Variants in CFAP46 observed in about 807,000 individuals in gnomAD.
CFAP46 encodes cilia and flagella associated protein 46, also known as cilia- and flagella-associated protein 46.
In CFAP46, 245 loss-of-function variants were observed where a neutral mutation model predicts 325.7. The ratio of observed to expected loss-of-function variants is 0.75; its 90% CI spans 0.68 to 0.84. The LOEUF is 0.84. Among genes scored for constraint, CFAP46 ranks in the 40% least tolerant of loss-of-function variants. CFAP46 has a pLI of 0.00. For synonymous variants in CFAP46, 1,523 were observed against 1,495.9 expected (o/e 1.02, Z -0.42); for missense variants, 3,346 against 3,543.0 (o/e 0.94, Z 1.41).
At chr10:132,850,864 C>T (rs900736780) in intron 40 of CFAP46, among the ~76,000 whole-genome samples, 1 of 152,146 alleles carries the variant, frequency 6.6e-6, no homozygotes. Context: ...AGAGCAAATT[C>T]ATGAGTCGGG....
chr10:132,864,409 CTG>C (rs1848776002), intron 35 of CFAP46, among the ~76,000 whole-genome samples: 1 of 116,920 alleles, frequency 8.6e-6, no homozygotes, highest in Non-Finnish European at 1.8e-5. Flanking sequence ...TCCCCAGTGC[CTG>C]AGACATGCAC....
rs1300886947 is a variant in CFAP46 at position 132,869,751 on chromosome 10, C to A, written c.4512-379G>T. ...CTTTCAGGCAAGCAGGAAAGTTGCA[C>A]AGACACCAGGAAGCATCCCTGTGCG... On this transcript the variant is annotated intron_variant, in intron 32 of 57. Transcript: ENST00000368586. The surrounding 1 kb of genome is among the most constrained non-coding windows in gnomAD (Gnocchi z 6.2). 6.6e-6 allele frequency among the ~76,000 whole-genome samples: 1 copy of A among 152,150 alleles called. No homozygotes were observed. Among genetic ancestry groups the A allele is most frequent in the Non-Finnish European group, 1.5e-5 (1 of 68,034 alleles).
intron 44 of CFAP46, among the ~76,000 whole-genome samples, chr10:132,843,606 C>T (rs1439044409): frequency 2.8e-3 from 167 of 58,712 alleles, no homozygotes; most frequent in African/African-American, 4.6e-3. Context: ...CCCAGGGTGC[C>T]ATGGGGCTCT....
Position 132,922,664 on chromosome 10 carries a change from T to C in CFAP46, c.1301A>G (p.Gln434Arg). 6.5e-7 allele frequency: 1 copy of C among 1,549,944 alleles called. No homozygotes were observed. The highest frequency in any genetic ancestry group is 8.7e-7 in the Non-Finnish European group (1 of 1,146,760). The change falls in exon 12 of 58, where the codon CAG becomes CGG. Residue 434 changes from glutamine to arginine, a missense_variant. By Grantham distance (43) the Gln-to-Arg change is conservative. Transcript: ENST00000368586. ...LRCQVHMEMAQIEEDEDRLEP... is the reference protein window; with the variant it reads ...LRCQVHMEMARIEEDEDRLEP... Reference sequence around the variant, plus strand: ...CAGCCGGTCCTCGTCCTCCTCGATCTGCGCCATCTCCATGTGCACTTGACA... The same window carrying C: ...CAGCCGGTCCTCGTCCTCCTCGATCCGCGCCATCTCCATGTGCACTTGACA...
chr10:132,830,670 T>C (rs987170078), intron 50 of CFAP46, among the ~76,000 whole-genome samples: 4 of 152,188 alleles, frequency 2.6e-5, no homozygotes, highest in Non-Finnish European at 5.9e-5. Flanking sequence ...ATTTTTGATA[T>C]TGATAATTTT....
chr10:132,918,932 G>T (rs1849678082), intron 15 of CFAP46, among the ~76,000 whole-genome samples: 1 of 152,198 alleles, frequency 6.6e-6, no homozygotes, highest in Admixed American at 6.5e-5. Flanking sequence ...AGCCTCTCCA[G>T]GGCCGGGTGC....
At chr10:132,823,422 A>G (rs376671331) in intron 50 of CFAP46, among the ~76,000 whole-genome samples, 1 of 73,378 alleles carries the variant, frequency 1.4e-5, no homozygotes, top group Non-Finnish European at 2.6e-5. Flanking sequence ...GTGCTGTGTG[A>G]GTGCTGATGT....
chr10:132,896,539 G>T (rs1441765587), intron 24 of CFAP46, among the ~76,000 whole-genome samples: 1 of 152,168 alleles, frequency 6.6e-6, no homozygotes, highest in African/African-American at 2.4e-5. Context: ...CCAAAGAGGT[G>T]AAAGACTTAC....
In CFAP46 at chr10:132,889,203, G is replaced by A. The variant is rs574284762; in HGVS notation, c.3304+3130C>T. On this transcript the variant is annotated intron_variant, in intron 25 of 57. Coordinates refer to ENST00000368586, the MANE Select transcript of CFAP46 (RefSeq NM_001200049.3). This position sits in a 1 kb window ranked among gnomAD's most constrained non-coding sequence, Gnocchi z 6.0. ...CCCCGTCATGCTATCAGCAGGACCCGCCTCTGGTGCCAGCACCTGGACCAC... is the reference window on the plus strand; with the variant it reads ...CCCCGTCATGCTATCAGCAGGACCCACCTCTGGTGCCAGCACCTGGACCAC... 7.9e-5 allele frequency among the ~76,000 whole-genome samples: 12 copies of A among 152,320 alleles called. No homozygotes were observed. In the East Asian group the frequency reaches 9.7e-4, roughly 12 times the overall value.
intron 56 of CFAP46, 23 bp from the exon 57 acceptor site, chr10:132,810,512 G>C: frequency 6.2e-7 from 1 of 1,605,312 alleles, no homozygotes. Flanking sequence ...CGTCCCCTCA[G>C]GAGGGCATGG....
At chr10:132,899,738 T>C in intron 22 of CFAP46, 72 bp from the exon 23 acceptor site, 1 of 1,477,744 alleles carries the variant, frequency 6.8e-7, no homozygotes, top group Non-Finnish European at 9.0e-7. Flanking sequence ...TGGGTCACTG[T>C]CTTGAACTGT....
intron 21 of CFAP46, 29 bp downstream of exon 21, chr10:132,909,108 G>C: frequency 6.6e-7 from 1 of 1,511,192 alleles, no homozygotes; most frequent in Non-Finnish European, 9.0e-7. Flanking sequence ...CTTGGCCCCT[G>C]GCCTCCCGGG....
intron 8 of CFAP46, among the ~76,000 whole-genome samples, chr10:132,930,518 C>A (rs1849879602): frequency 6.9e-6 from 1 of 144,460 alleles, no homozygotes; most frequent in Non-Finnish European, 1.5e-5. Flanking sequence ...TCCTCCTCCC[C>A]ACACAGAGCC....
At chr10:132,923,461 G>C (rs1849760403) in intron 11 of CFAP46, among the ~76,000 whole-genome samples, 2 of 138,476 alleles carry the variant, frequency 1.4e-5, no homozygotes, top group South Asian at 4.8e-4. Flanking sequence ...CCCTGGCCTT[G>C]AGCAGCCATG....
rs1848092622 is a variant in CFAP46 at position 132,828,293 on chromosome 10, G to A, written c.7117+5065C>T. 6.6e-6 allele frequency among the ~76,000 whole-genome samples: 1 copy of A among 152,208 alleles called. No individual in the cohort carries two copies. Among genetic ancestry groups the A allele is most frequent in the Non-Finnish European group, 1.5e-5 (1 of 68,044 alleles). ...AAACTGCCAAACTGTCTTCCAAAGT[G>A]GCTCCAGCATTCACCATTCCCACCA... On this transcript the variant is annotated intron_variant, in intron 50 of 57. Coordinates refer to ENST00000368586, the MANE Select transcript of CFAP46 (RefSeq NM_001200049.3). The surrounding 1 kb of genome is among the most constrained non-coding windows in gnomAD (Gnocchi z 4.9).
intron 22 of CFAP46, among the ~76,000 whole-genome samples, chr10:132,908,064 C>A (rs1849482428): frequency 6.6e-6 from 1 of 152,264 alleles, no homozygotes; most frequent in African/African-American, 2.4e-5. Flanking sequence ...GCCACACACC[C>A]CTCCTGCTGA....
In CFAP46 at chr10:132,913,256, G is replaced by A. The variant is rs759662455; in HGVS notation, c.2123C>T (p.Thr708Ile). Residue 708 changes from threonine to isoleucine, a missense_variant and splice_region_variant, in exon 18 of 58, where the codon ACC becomes ATC. Physicochemically the swap from Thr to Ile is moderately conservative, Grantham distance 89. Coordinates refer to ENST00000368586, the MANE Select transcript of CFAP46 (RefSeq NM_001200049.3). ...ACACCGGGACAGACTCTCGATCCAGGTTCTGCAAAACGAGCACCACCAAGC... is the reference window on the plus strand; with the variant it reads ...ACACCGGGACAGACTCTCGATCCAGATTCTGCAAAACGAGCACCACCAAGC... The part of the protein sequence containing the change: ...EVNAEWITYR[T>I]WIESLSRCAM... 2.0e-5 allele frequency: 31 copies of A among 1,547,958 alleles called. No individual in the cohort carries two copies. The highest frequency in any genetic ancestry group is 2.3e-5 in the Non-Finnish European group (26 of 1,145,340).
chr10:132,851,015 G>A (rs558259546), intron 40 of CFAP46, 102 bp downstream of exon 40: 30 of 1,411,594 alleles, frequency 2.1e-5, no homozygotes, highest in Non-Finnish European at 1.3e-5. Context: ...CGCACCGCCA[G>A]GTGCACAGTG....
intron 45 of CFAP46, 65 bp downstream of exon 45, chr10:132,836,752 G>T: frequency 7.2e-7 from 1 of 1,391,050 alleles, no homozygotes; most frequent in Non-Finnish European, 1.0e-6. Flanking sequence ...CCACGGCTGG[G>T]TCTCTGCCTC....
Sources: allele counts gnomAD v4.1 joint callset (sites outside exome capture counted in the v4.1 genomes callset), GRCh38; gene constraint gnomAD v4.1.1; non-coding constraint Gnocchi (gnomAD v3.1); transcripts MANE v1.5; gene names NCBI Gene and HGNC (gene_info 2026-07-23, HGNC 2026-07-21).